FAM20C: variants seen among roughly 807,000 people sequenced by gnomAD.
The protein encoded by FAM20C is extracellular serine/threonine protein kinase FAM20C.
A neutral mutation model predicts 51.5 loss-of-function variants in FAM20C; 40 were observed. The observed-to-expected ratio is 0.78, with a 90% CI of 0.60 to 1.01. The LOEUF (loss-of-function observed/expected upper bound fraction) is 1.01. Ranked by LOEUF, FAM20C falls within the 50% of genes least tolerant of loss-of-function variation. FAM20C has a pLI of 0.00. For missense variants in FAM20C, 861 were observed against 844.7 expected, an observed-to-expected ratio of 1.02 and a Z score of -0.24; for synonymous variants, 406 against 380.6, an observed-to-expected ratio of 1.07 and a Z score of -0.78.
chr7:210,518 G>A (rs1018416456), intron 3 of FAM20C, among the ~76,000 whole-genome samples: 5 of 152,160 alleles, frequency 3.3e-5, no homozygotes, highest in Non-Finnish European at 5.9e-5. Flanking sequence ...TGGAATAGTC[G>A]CTGAATGGCG....
intron 3 of FAM20C, among the ~76,000 whole-genome samples, chr7:209,609 T>C (rs1343884735): frequency 6.6e-6 from 1 of 152,058 alleles, no homozygotes; most frequent in African/African-American, 2.4e-5. Flanking sequence ...CAGCTCGTGG[T>C]GAGGGGTGTG....
intron 3 of FAM20C, among the ~76,000 whole-genome samples, chr7:214,338 A>G (rs2115079629): frequency 6.6e-6 from 1 of 152,258 alleles, no homozygotes; most frequent in Non-Finnish European, 1.5e-5. Flanking sequence ...AAAAAAAAAA[A>G]TCTTTACATG....
chr7:234,316 G>A (rs1042736955), intron 3 of FAM20C, among the ~76,000 whole-genome samples: 3 of 152,262 alleles, frequency 2.0e-5, no homozygotes, highest in African/African-American at 4.8e-5. Context: ...AAGCCCAGTC[G>A]GGAGTTGTGA....
chr7:193,011 G>A lies in FAM20C; in HGVS notation c.-189G>A, dbSNP rs1785635898. 7.8e-6 allele frequency: 2 copies of A among 254,826 alleles called. No individual in the cohort carries two copies. The highest frequency in any genetic ancestry group is 4.6e-5 in the African/African-American group (2 of 43,246). The allele number at this position is 254,826 out of a possible 1,614,324, so 15.8% of individuals were successfully genotyped here. On this transcript the variant is annotated 5_prime_UTR_variant, in exon 1 of 10. The change creates a premature stop within an existing upstream ORF in the 5' untranslated region. Coordinates refer to ENST00000313766, the MANE Select transcript of FAM20C (RefSeq NM_020223.4). ...GCCGAGCGGGGACGGGCCCGAGATG[G>A]CGCGGGGACCCAGCGCTCCGGCGGC...
chr7:252,917 G>T (rs929752136), intron 5 of FAM20C, among the ~76,000 whole-genome samples: 1 of 152,258 alleles, frequency 6.6e-6, no homozygotes, highest in Non-Finnish European at 1.5e-5. Context: ...TCCCAGAGGT[G>T]CACAGGTCAT....
chr7:200,455 C>G (rs1204903835), intron 2 of FAM20C, among the ~76,000 whole-genome samples: 4 of 152,158 alleles, frequency 2.6e-5, no homozygotes, highest in Non-Finnish European at 4.4e-5. Context: ...CCCTTCCCAG[C>G]CGTCTGGTGG....
intron 2 of FAM20C, among the ~76,000 whole-genome samples, chr7:198,370 T>C (rs1221251371): frequency 1.3e-5 from 2 of 152,184 alleles, no homozygotes; most frequent in Non-Finnish European, 2.9e-5. Flanking sequence ...GAGAAGGTTA[T>C]AATCTGGACC....
At chr7:210,536 C>A (rs942581893) in intron 3 of FAM20C, among the ~76,000 whole-genome samples, 1 of 152,132 alleles carries the variant, frequency 6.6e-6, no homozygotes, top group African/African-American at 2.4e-5. Context: ...GCGGCGTCTT[C>A]ATCTCCCTTG....
At position 224,172 on chromosome 7, in the gene FAM20C, C is replaced by T. The variant is rs1204524022; in HGVS notation, c.863+15196C>T. Among the ~76,000 whole-genome samples, 52 of 144,602 alleles carry T rather than the reference C, an allele frequency of 3.6e-4. 1 individual carries two copies. The highest frequency in any genetic ancestry group is 3.7e-3 in the Middle Eastern group (1 of 270). 94.9% of individuals were successfully genotyped at this position (144,602 alleles called of 152,430 possible). On this transcript the variant is annotated intron_variant, in intron 3 of 9. Coordinates refer to ENST00000313766, the MANE Select transcript of FAM20C (RefSeq NM_020223.4). ...CGGCTGTCCCCTGAGCATTCTCTCA[C>T]GGAGCAGAACGGCACCGTCACGGGG...
chr7:260,106 C>T lies in FAM20C; in HGVS notation c.*126C>T. 7.7e-7 allele frequency: 1 copy of T among 1,302,930 alleles called. No homozygotes were observed. The highest frequency in any genetic ancestry group is 1.0e-6 in the Non-Finnish European group (1 of 995,282). 80.7% of individuals were successfully genotyped at this position (1,302,930 alleles called of 1,614,324 possible). On this transcript the variant is annotated 3_prime_UTR_variant, in exon 10 of 10. Transcript: ENST00000313766. ...CGGGATCATCCGGAGTCGGGAGCTG[C>T]TGCCACAGGAGGCGAGGCTCCCCAG...
chr7:222,510 A>G (rs903503381), intron 3 of FAM20C, among the ~76,000 whole-genome samples: 3 of 152,112 alleles, frequency 2.0e-5, no homozygotes, highest in Non-Finnish European at 4.4e-5. Flanking sequence ...GCTGGCACTG[A>G]GAGGGGAGTG....
intron 5 of FAM20C, among the ~76,000 whole-genome samples, chr7:252,091 C>T (rs181961786): frequency 4.6e-5 from 7 of 152,376 alleles, no homozygotes; most frequent in Admixed American, 3.3e-4. Flanking sequence ...TGTTCAGATT[C>T]GTTTGCTCCA....
At chr7:207,598 C>A (rs1168750854) in intron 2 of FAM20C, among the ~76,000 whole-genome samples, 1 of 152,250 alleles carries the variant, frequency 6.6e-6, no homozygotes, top group African/African-American at 2.4e-5. Context: ...CATATGCCAC[C>A]CCACCACGTT....
intron 2 of FAM20C, among the ~76,000 whole-genome samples, chr7:196,157 A>G (rs540673659): frequency 6.6e-6 from 1 of 152,318 alleles, no homozygotes; most frequent in East Asian, 1.9e-4. Flanking sequence ...GGAGACAGCC[A>G]TGAGCCTGCT....
chr7:193,069 A>C lies in FAM20C; in HGVS notation c.-131A>C. ...CTGCACGCGGCCCGGGCCCGGGGAC[A>C]GCCCCGGAGCTGGTAGCCGCCCGGC... On this transcript the variant is annotated 5_prime_UTR_variant, in exon 1 of 10. Coordinates refer to ENST00000313766, the MANE Select transcript of FAM20C (RefSeq NM_020223.4). The C allele has an allele frequency of 1.5e-6, 1 of 661,638 alleles. No individual in the cohort carries two copies. Among genetic ancestry groups the C allele is most frequent in the Non-Finnish European group, 2.0e-6 (1 of 495,460 alleles). 41.0% of individuals were successfully genotyped at this position (661,638 alleles called of 1,614,324 possible).
chr7:193,855 G>T, intron 1 of FAM20C, 51 bp downstream of exon 1: 4 of 1,536,974 alleles, frequency 2.6e-6, no homozygotes, highest in African/African-American at 1.4e-5. Context: ...TGAGCCCAAG[G>T]CATGGTGTAG....
chr7:197,099 G>A (rs758363448), intron 2 of FAM20C: 3 of 166,958 alleles, frequency 1.8e-5, no homozygotes, highest in African/African-American at 4.8e-5. Flanking sequence ...GGAAATATCC[G>A]ATGCATTGAT....
In FAM20C at chr7:193,295, G is replaced by C. The variant is rs1386948451; in HGVS notation, c.96G>C (p.Arg32Ser). ...ACATCGCCCTGGACCTGCTGCCCAG[G>C]CTGGAGCGACGCGGCGCGCGGCCCT... Reference protein sequence around the residue: ...ALHIALDLLPRLERRGARPSG... With the variant: ...ALHIALDLLPSLERRGARPSG... Residue 32 changes from arginine to serine, a missense_variant, in exon 1 of 10, where the codon AGG becomes AGC. Arg to Ser is a moderately radical substitution (Grantham distance 110). Transcript: ENST00000313766. 2.8e-6 allele frequency: 4 copies of C among 1,415,708 alleles called. No individual in the cohort carries two copies. Among genetic ancestry groups the C allele is most frequent in the Non-Finnish European group, 3.7e-6 (4 of 1,078,250 alleles). 87.7% of individuals were successfully genotyped at this position (1,415,708 alleles called of 1,614,324 possible). A position where few individuals can be genotyped will look rare whatever the true frequency, so the allele number is the denominator to read the frequency against.
At chr7:205,320 G>T in intron 2 of FAM20C, among the ~76,000 whole-genome samples, 1 of 150,792 alleles carries the variant, frequency 6.6e-6, no homozygotes, top group Non-Finnish European at 1.5e-5. Context: ...TCAGCCCCCC[G>T]AGTAGCCGGG....
Sources: gnomAD v4.1 joint callset for allele counts (sites outside exome capture counted in the v4.1 genomes callset) on GRCh38, gnomAD v4.1.1 for gene constraint, MANE v1.5 for transcripts, NCBI Gene and HGNC (gene_info 2026-07-23, HGNC 2026-07-21) for gene names.